TMEM154: variants seen among roughly 807,000 people sequenced by gnomAD.
TMEM154 encodes the protein transmembrane protein 154.
TMEM154 carries 27 observed loss-of-function variants against 24.5 expected under a neutral mutation model. That is an observed-to-expected ratio of 1.10 (90% CI 0.81 to 1.52). The LOEUF is 1.52. Among genes scored for constraint, TMEM154 ranks in the 40% most tolerant of loss-of-function variants. The pLI, the probability that TMEM154 is intolerant of heterozygous loss-of-function variation, is 0.00. For missense variants in TMEM154, 228 were observed against 213.4 expected (o/e 1.07, Z -0.43); for synonymous variants, 67 against 76.8 (o/e 0.87, Z 0.67).
chr4:152,666,007 C>G (rs940797355), intron 1 of TMEM154, among the ~76,000 whole-genome samples: 3 of 152,030 alleles, frequency 2.0e-5, no homozygotes, highest in African/African-American at 7.2e-5. Flanking sequence ...CCAGGCTGGT[C>G]TCCAACTACT....
At chr4:152,653,836 C>T (rs1282602439) in intron 1 of TMEM154, among the ~76,000 whole-genome samples, 9 of 150,744 alleles carry the variant, frequency 6.0e-5, no homozygotes, top group African/African-American at 4.9e-5. Flanking sequence ...GTCAGGAGTT[C>T]GAGACCAGCC....
At chr4:152,634,690 T>C (rs1470775262) in intron 6 of TMEM154, among the ~76,000 whole-genome samples, 3 of 152,220 alleles carry the variant, frequency 2.0e-5, no homozygotes, top group African/African-American at 7.2e-5. Context: ...TGCATCTGTG[T>C]TTTAATAATA....
In TMEM154 at chr4:152,619,540, A is replaced by T. The variant is rs1342871428; in HGVS notation, c.*9006T>A. Reference sequence around the variant, plus strand: ...AGACTTTGTAACTGTCTCAAACAATAAAGTATGGCAGAAGTGATGTGATGT... The same window carrying T: ...AGACTTTGTAACTGTCTCAAACAATTAAGTATGGCAGAAGTGATGTGATGT... On this transcript the variant is annotated 3_prime_UTR_variant, in exon 7 of 7. Coordinates refer to ENST00000304385, the MANE Select transcript of TMEM154 (RefSeq NM_152680.3). 1 of 152,214 alleles carries T rather than the reference A, an allele frequency of 6.6e-6. No individual in the cohort carries two copies. Among genetic ancestry groups the T allele is most frequent in the Non-Finnish European group, 1.5e-5 (1 of 68,046 alleles). 9.4% of individuals were successfully genotyped at this position (152,214 alleles called of 1,614,324 possible).
At chr4:152,630,309 CAAAAAAAAA>C (rs56827457) in intron 6 of TMEM154, among the ~76,000 whole-genome samples, 4 of 91,336 alleles carry the variant, frequency 4.4e-5, no homozygotes, top group East Asian at 3.4e-4. Context: ...CACCCTGTCT[CAAAAAAAAA>C]AAAAAAAAAA....
intron 6 of TMEM154, among the ~76,000 whole-genome samples, chr4:152,632,627 A>G (rs1262246010): frequency 2.0e-5 from 3 of 152,246 alleles, no homozygotes; most frequent in South Asian, 4.1e-4. Context: ...ATGTCCCACA[A>G]TAAGAATCTG....
chr4:152,646,018 G>C (rs965140153), intron 3 of TMEM154, among the ~76,000 whole-genome samples: 2 of 150,124 alleles, frequency 1.3e-5, no homozygotes, highest in Non-Finnish European at 3.0e-5. Context: ...AAATATAAAG[G>C]CTATTTCCTT....
intron 3 of TMEM154, among the ~76,000 whole-genome samples, chr4:152,645,703 G>T (rs969680520): frequency 6.6e-6 from 1 of 152,196 alleles, no homozygotes; most frequent in South Asian, 2.1e-4. Flanking sequence ...AACACAACCA[G>T]CAGACACCTG....
chr4:152,652,033 T>A (rs186066249), intron 3 of TMEM154, among the ~76,000 whole-genome samples: 1 of 152,332 alleles, frequency 6.6e-6, no homozygotes, highest in Non-Finnish European at 1.5e-5. Flanking sequence ...ACAATGTTTA[T>A]CAATTAAGTT....
chr4:152,667,312 A>C (rs1196274239), intron 1 of TMEM154, among the ~76,000 whole-genome samples: 1 of 152,240 alleles, frequency 6.6e-6, no homozygotes, highest in African/African-American at 2.4e-5. Context: ...GACAAATCTA[A>C]AGTGGTTTTC....
At chr4:152,642,978 G>A (rs914552949) in intron 5 of TMEM154, 110 bp downstream of exon 5, 8 of 785,996 alleles carry the variant, frequency 1.0e-5, no homozygotes, top group Middle Eastern at 3.5e-4. Context: ...TCTAATGTGG[G>A]ATTGGGTTCT....
At chr4:152,662,482 G>A (rs956453607) in intron 1 of TMEM154, among the ~76,000 whole-genome samples, 1 of 152,202 alleles carries the variant, frequency 6.6e-6, no homozygotes, top group African/African-American at 2.4e-5. Context: ...GCAGCCAGGA[G>A]TGGATTGCCA....
intron 6 of TMEM154, among the ~76,000 whole-genome samples, chr4:152,635,137 G>A (rs979224921): frequency 2.0e-5 from 3 of 152,160 alleles, no homozygotes; most frequent in Admixed American, 6.5e-5. Flanking sequence ...AAAAAAGCTC[G>A]CATAAAACTG....
chr4:152,638,495 T>C (rs561619248), intron 6 of TMEM154, among the ~76,000 whole-genome samples: 40 of 152,280 alleles, frequency 2.6e-4, no homozygotes, highest in African/African-American at 8.4e-4. Context: ...GGTCTTAGGA[T>C]ACAGGCTTAG....
At chr4:152,643,396 G>T (rs1371222004) in intron 4 of TMEM154, among the ~76,000 whole-genome samples, 1 of 152,216 alleles carries the variant, frequency 6.6e-6, no homozygotes, top group African/African-American at 2.4e-5. Context: ...CAAAAGTGGG[G>T]TGCCCACAGG....
intron 1 of TMEM154, among the ~76,000 whole-genome samples, chr4:152,657,409 G>T (rs1728511997): frequency 6.6e-6 from 1 of 151,986 alleles, no homozygotes; most frequent in Non-Finnish European, 1.5e-5. Context: ...AGCTACTCAG[G>T]AGGCTTAGGC....
intron 3 of TMEM154, among the ~76,000 whole-genome samples, chr4:152,649,873 A>T (rs1202782986): frequency 2.0e-5 from 3 of 152,246 alleles, no homozygotes; most frequent in African/African-American, 7.2e-5. Context: ...AGCAAGTCAC[A>T]TTAATTTTTT....
chr4:152,641,048 C>T, intron 5 of TMEM154, 63 bp from the exon 6 acceptor site: 1 of 1,504,322 alleles, frequency 6.6e-7, no homozygotes. Flanking sequence ...ATCCACAAAC[C>T]TGATACAGTT....
intron 1 of TMEM154, among the ~76,000 whole-genome samples, chr4:152,661,285 TC>T (rs1728597369): frequency 3.0e-4 from 5 of 16,716 alleles, no homozygotes; most frequent in Admixed American, 8.2e-4. Context: ...TTGTTCTCTT[TC>T]TCTCTCTCTC....
At chr4:152,647,750 C>T (rs1728288746) in intron 3 of TMEM154, among the ~76,000 whole-genome samples, 1 of 152,174 alleles carries the variant, frequency 6.6e-6, no homozygotes, top group African/African-American at 2.4e-5. Flanking sequence ...TGATAATAAG[C>T]TAGCACTTAG....
Sources: allele counts gnomAD v4.1 joint callset (sites outside exome capture counted in the v4.1 genomes callset), GRCh38; gene constraint gnomAD v4.1.1; transcripts MANE v1.5; gene names NCBI Gene and HGNC (gene_info 2026-07-23, HGNC 2026-07-21).